The following DNAH14 variants were observed in gnomAD, a reference collection of about 807,000 sequenced individuals.
DNAH14 encodes the protein dynein axonemal heavy chain 14.
Under a neutral mutation model 520.9 loss-of-function variants are expected in DNAH14, and 478 were observed. The observed-to-expected ratio is 0.92, with a 90% CI of 0.85 to 0.99. The LOEUF is 0.99. Ranked by LOEUF, DNAH14 falls within the 50% of genes least tolerant of loss-of-function variation. The pLI is 0.00. For synonymous variants in DNAH14, 1,581 were observed against 1,757.2 expected, an observed-to-expected ratio of 0.90 and a Z score of 2.51; for missense variants, 4,831 against 5,234.5, an observed-to-expected ratio of 0.92 and a Z score of 2.38.
intron 26 of DNAH14, among the ~76,000 whole-genome samples, chr1:225,123,202 A>C (rs1241178731): frequency 6.6e-6 from 1 of 152,186 alleles, no homozygotes; most frequent in Non-Finnish European, 1.5e-5. Flanking sequence ...ATTTTGTAGA[A>C]ATTATTTCAA....
chr1:225,375,069 C>G (rs2150699160), intron 78 of DNAH14, among the ~76,000 whole-genome samples, 184 bp downstream of exon 78: 1 of 151,968 alleles, frequency 6.6e-6, no homozygotes, highest in Non-Finnish European at 1.5e-5. Flanking sequence ...GGGCAGTAAA[C>G]AAAAAGAATG....
chr1:225,275,653 A>G (rs1279506729), intron 52 of DNAH14, among the ~76,000 whole-genome samples: 3 of 152,212 alleles, frequency 2.0e-5, no homozygotes, highest in Non-Finnish European at 1.5e-5. Flanking sequence ...AAATAAAACC[A>G]TATTCTAATA....
rs528262437 is a variant in DNAH14, at chr1:225,338,422, G to C, written c.10433+240G>C. ...CAAACTGTGCATGATAAAATCTGTG[G>C]GTTTTATGAGGAGTCTTCAGAAGCT... On this transcript the variant is annotated intron_variant, in intron 68 of 85. Coordinates refer to ENST00000682510, the MANE Select transcript of DNAH14 (RefSeq NM_001367479.1). 3.0e-5 allele frequency: 19 copies of C among 632,254 alleles called. No individual in the cohort carries two copies. The South Asian group carries it at 3.5e-4, about 12-fold the overall frequency. 39.2% of individuals were successfully genotyped at this position (632,254 alleles called of 1,614,324 possible).
intron 44 of DNAH14, among the ~76,000 whole-genome samples, chr1:225,254,543 T>C (rs959607155): frequency 1.3e-5 from 2 of 152,110 alleles, no homozygotes. Context: ...AACGTTGGTG[T>C]GAATTGGCTA....
chr1:225,179,735 A>T (rs915257315), intron 36 of DNAH14, among the ~76,000 whole-genome samples: 1 of 152,142 alleles, frequency 6.6e-6, no homozygotes, highest in Non-Finnish European at 1.5e-5. Context: ...TTCTTGTTAC[A>T]TGTTATCATA....
intron 1 of DNAH14, among the ~76,000 whole-genome samples, chr1:224,933,539 A>G (rs1384211513): frequency 6.6e-6 from 1 of 152,014 alleles, no homozygotes; most frequent in Non-Finnish European, 1.5e-5. Context: ...ACTTTAATCC[A>G]TTCAGTATGA....
At chr1:225,335,427 G>T (rs781066354) in intron 66 of DNAH14, among the ~76,000 whole-genome samples, 2 of 96,414 alleles carry the variant, frequency 2.1e-5, no homozygotes, top group Non-Finnish European at 4.0e-5. Flanking sequence ...ACATATGCAC[G>T]TGTGTACATG....
chr1:225,316,263 G>A (rs2094466150), intron 60 of DNAH14, among the ~76,000 whole-genome samples: 1 of 152,184 alleles, frequency 6.6e-6, no homozygotes, highest in Admixed American at 6.5e-5. Flanking sequence ...AGAATTTCAA[G>A]CGAGTGGATC....
At chr1:224,988,503 C>G (rs1008169233) in intron 8 of DNAH14, among the ~76,000 whole-genome samples, 1 of 152,178 alleles carries the variant, frequency 6.6e-6, no homozygotes, top group Admixed American at 6.5e-5. Context: ...AATAAGAACA[C>G]TTTTATACTG....
intron 23 of DNAH14, among the ~76,000 whole-genome samples, chr1:225,101,574 A>C (rs980380948): frequency 6.6e-6 from 1 of 152,010 alleles, no homozygotes; most frequent in East Asian, 1.9e-4. Context: ...ACTTGCTTCA[A>C]ATGTTACCTC....
At chr1:225,369,391 AAAG>A (rs762949226) in intron 77 of DNAH14, among the ~76,000 whole-genome samples, 68 of 152,162 alleles carry the variant, frequency 4.5e-4, no homozygotes, top group Non-Finnish European at 8.5e-4. Flanking sequence ...AGAAAATAAA[AAAG>A]AAGAAAGCAG....
chr1:225,243,355 C>G (rs1219311230), intron 43 of DNAH14, among the ~76,000 whole-genome samples: 1 of 151,430 alleles, frequency 6.6e-6, no homozygotes, highest in East Asian at 1.9e-4. Context: ...ACTATAAAAC[C>G]ACCAAAGTAG....
At chr1:225,054,031 TC>T (rs1349231762) in intron 17 of DNAH14, among the ~76,000 whole-genome samples, 1 of 152,080 alleles carries the variant, frequency 6.6e-6, no homozygotes, top group African/African-American at 2.4e-5. Flanking sequence ...CTGTGAGTGC[TC>T]CCCATGAGAC....
intron 42 of DNAH14, among the ~76,000 whole-genome samples, chr1:225,238,360 A>G (rs2091743228): frequency 6.6e-6 from 1 of 151,982 alleles, no homozygotes; most frequent in Non-Finnish European, 1.5e-5. Flanking sequence ...GAGTCAGACC[A>G]CTTTTCCATA....
At chr1:225,107,902 AAC>A (rs1381696213) in intron 23 of DNAH14, among the ~76,000 whole-genome samples, 1 of 152,198 alleles carries the variant, frequency 6.6e-6, no homozygotes, top group Admixed American at 6.5e-5. Flanking sequence ...AGTGATAATA[AAC>A]ACTTTTTCAT....
intron 17 of DNAH14, among the ~76,000 whole-genome samples, chr1:225,076,409 T>A (rs1477262179): frequency 2.0e-5 from 3 of 152,210 alleles, no homozygotes; most frequent in Non-Finnish European, 4.4e-5. Context: ...CTTTTCTTAT[T>A]TCTATGCTAC....
At chr1:225,110,120 C>T (rs2076371718) in intron 23 of DNAH14, among the ~76,000 whole-genome samples, 1 of 151,990 alleles carries the variant, frequency 6.6e-6, no homozygotes, top group African/African-American at 2.4e-5. Flanking sequence ...TCAATTTTCA[C>T]CAGGGATATG....
intron 27 of DNAH14, among the ~76,000 whole-genome samples, chr1:225,127,003 T>C (rs907141492): frequency 2.8e-4 from 43 of 151,468 alleles, no homozygotes; most frequent in Non-Finnish European, 5.9e-4. Context: ...TCAGTTTCCA[T>C]GTAGTTGAGC....
At chr1:225,153,353 C>G (rs989268790) in intron 33 of DNAH14, among the ~76,000 whole-genome samples, 8 of 152,082 alleles carry the variant, frequency 5.3e-5, no homozygotes, top group African/African-American at 1.9e-4. Flanking sequence ...TGCTGCTGAT[C>G]TGGGTTCTAC....
Sources: gnomAD v4.1 joint callset for allele counts (sites outside exome capture counted in the v4.1 genomes callset) on GRCh38, gnomAD v4.1.1 for gene constraint, MANE v1.5 for transcripts, NCBI Gene and HGNC (gene_info 2026-07-23, HGNC 2026-07-21) for gene names.